The following TMEM38B variants were observed in gnomAD, a reference collection of about 807,000 sequenced individuals.
The protein encoded by TMEM38B is trimeric intracellular cation channel type B.
In TMEM38B, 24 loss-of-function variants were observed where a neutral mutation model predicts 28.7. That is an observed-to-expected ratio of 0.84 (90% confidence interval 0.61 to 1.18). The LOEUF (loss-of-function observed/expected upper bound fraction) is 1.18, where lower values mean the gene tolerates loss of function less well. TMEM38B is among the 50% of genes most tolerant of loss of function. The probability of loss-of-function intolerance (pLI) is 0.00; values close to 1 mark genes in which losing one functional copy is unlikely to be tolerated. For synonymous variants in TMEM38B, 131 were observed against 127.7 expected, an observed-to-expected ratio of 1.03 and a Z score of -0.17; for missense variants, 380 against 350.9, an observed-to-expected ratio of 1.08 and a Z score of -0.66.
At chr9:105,744,331 T>G (rs953788257) in intron 4 of TMEM38B, among the ~76,000 whole-genome samples, 13 of 151,992 alleles carry the variant, frequency 8.6e-5, no homozygotes, top group Non-Finnish European at 1.9e-4. Context: ...CAGTTGAATA[T>G]GAGGAGTATA....
At chr9:105,746,747 G>A (rs534490801) in intron 4 of TMEM38B, among the ~76,000 whole-genome samples, 7 of 152,234 alleles carry the variant, frequency 4.6e-5, no homozygotes, top group South Asian at 4.2e-4. Context: ...TTTGAGATGC[G>A]TCCCATCAGT....
At chr9:105,727,289 G>A (rs1015022318) in intron 4 of TMEM38B, among the ~76,000 whole-genome samples, 4 of 151,538 alleles carry the variant, frequency 2.6e-5, no homozygotes, top group African/African-American at 9.7e-5. Context: ...TTTTTTCCCC[G>A]AGATCCCATG....
chr9:105,750,730 A>T (rs1412076775), intron 5 of TMEM38B, among the ~76,000 whole-genome samples: 1 of 152,220 alleles, frequency 6.6e-6, no homozygotes, highest in South Asian at 2.1e-4. Flanking sequence ...ATCTAAGGTC[A>T]TGAAGATTTA....
intron 4 of TMEM38B, among the ~76,000 whole-genome samples, chr9:105,742,765 A>C (rs920348198): frequency 5.3e-5 from 8 of 152,232 alleles, no homozygotes; most frequent in Non-Finnish European, 1.5e-5. Flanking sequence ...GTGGTGCAGA[A>C]AACAAACAGT....
intron 5 of TMEM38B, among the ~76,000 whole-genome samples, chr9:105,756,926 A>G (rs149022839): frequency 1.6e-4 from 24 of 152,226 alleles, no homozygotes; most frequent in Non-Finnish European, 1.5e-4. Context: ...TTTTATTTCA[A>G]TAGTTTTTGG....
chr9:105,740,838 GTTAA>G (rs1837176770), intron 4 of TMEM38B, among the ~76,000 whole-genome samples: 1 of 152,110 alleles, frequency 6.6e-6, no homozygotes, highest in African/African-American at 2.4e-5. Context: ...GACAATTTCT[GTTAA>G]TGTGTCAGTA....
intron 2 of TMEM38B, among the ~76,000 whole-genome samples, chr9:105,709,205 T>A (rs1283878663): frequency 6.6e-6 from 1 of 152,218 alleles, no homozygotes; most frequent in Non-Finnish European, 1.5e-5. Flanking sequence ...GTTAAATACT[T>A]ATTTTGGGGG....
chr9:105,747,275 A>G (rs1035106867), intron 4 of TMEM38B, among the ~76,000 whole-genome samples: 13 of 152,262 alleles, frequency 8.5e-5, no homozygotes, highest in African/African-American at 1.4e-4. Context: ...GTCTATTCAG[A>G]GATTCAATTT....
rs1454911928 is a variant in TMEM38B at position 105,774,313 on chromosome 9, G to A, written c.*233G>A. The A allele has an allele frequency of 5.9e-6, 2 of 336,618 alleles. No individual in the cohort carries two copies. The highest frequency in any genetic ancestry group is 4.2e-5 in the African/African-American group (2 of 47,174). 20.9% of individuals were successfully genotyped at this position (336,618 alleles called of 1,614,324 possible). On this transcript the variant is annotated 3_prime_UTR_variant, in exon 6 of 6. Coordinates refer to ENST00000374692, the MANE Select transcript of TMEM38B (RefSeq NM_018112.3). ...TTACCGGTATAAGAGATTCTGTTGT[G>A]ATTATTTGAATAGTTTTATATTAAT... is the stretch of plus-strand genomic sequence containing the variant.
At chr9:105,760,507 G>C (rs1838002088) in intron 5 of TMEM38B, 4 of 741,594 alleles carry the variant, frequency 5.4e-6, no homozygotes, top group Non-Finnish European at 9.8e-6. Context: ...TCAGGACTTT[G>C]AAAAGCAAAA....
chr9:105,751,439 T>A (rs1255216292), intron 5 of TMEM38B, among the ~76,000 whole-genome samples: 1 of 152,174 alleles, frequency 6.6e-6, no homozygotes, highest in African/African-American at 2.4e-5. Context: ...TACACACAGC[T>A]GTGTGGAGTT....
intron 4 of TMEM38B, among the ~76,000 whole-genome samples, chr9:105,740,176 C>T (rs1242483830): frequency 2.6e-5 from 4 of 152,056 alleles, no homozygotes; most frequent in African/African-American, 9.7e-5. Flanking sequence ...AGCCACCACT[C>T]CTGGCCTTAA....
intron 2 of TMEM38B, among the ~76,000 whole-genome samples, chr9:105,714,329 T>G (rs1010104341): frequency 6.6e-6 from 1 of 152,174 alleles, no homozygotes; most frequent in African/African-American, 2.4e-5. Context: ...TTGCTCACCC[T>G]CCACTTGTCT....
In TMEM38B at chr9:105,775,044, A is replaced by G. The variant is rs1464625178; in HGVS notation, c.*964A>G. The G allele has an allele frequency of 6.6e-6, 1 of 152,074 alleles. No homozygotes were observed. Among genetic ancestry groups the G allele is most frequent in the Non-Finnish European group, 1.5e-5 (1 of 67,952 alleles). 9.4% of individuals were successfully genotyped at this position (152,074 alleles called of 1,614,324 possible). ...AATTTTTCCACTATGTCTTTTTTCT[A>G]GTGGCTACTGTTTTAGTTTTCTAGT... On this transcript the variant is annotated 3_prime_UTR_variant, in exon 6 of 6. Coordinates refer to ENST00000374692, the MANE Select transcript of TMEM38B (RefSeq NM_018112.3).
At chr9:105,707,243 C>T (rs576309219) in intron 2 of TMEM38B, among the ~76,000 whole-genome samples, 105 of 152,192 alleles carry the variant, frequency 6.9e-4, no homozygotes, top group African/African-American at 2.5e-3. Flanking sequence ...AATTATGGCT[C>T]ATATTTAATT....
chr9:105,697,771 A>T (rs1835336917), intron 1 of TMEM38B, among the ~76,000 whole-genome samples: 1 of 152,130 alleles, frequency 6.6e-6, no homozygotes. Context: ...TCCATGAAAA[A>T]ATCTATTAAT....
chr9:105,759,189 C>T, intron 5 of TMEM38B: 1 of 740,426 alleles, frequency 1.4e-6, no homozygotes, highest in East Asian at 2.4e-5. Context: ...TCTCCTTGAA[C>T]CTCTCCTTAC....
intron 5 of TMEM38B, among the ~76,000 whole-genome samples, chr9:105,764,412 A>G (rs55899829): frequency 0.024 from 3,600 of 152,268 alleles, 68 homozygotes; most frequent in Middle Eastern, 0.085. Context: ...ATGTACAAAA[A>G]TCACAAGCAT....
chr9:105,716,984 A>G (rs916038972), intron 2 of TMEM38B, among the ~76,000 whole-genome samples: 1 of 152,152 alleles, frequency 6.6e-6, no homozygotes, highest in Non-Finnish European at 1.5e-5. Context: ...GTCAGAAGTT[A>G]TATGTGGTGT....
Sources: gnomAD v4.1 joint callset for allele counts (sites outside exome capture counted in the v4.1 genomes callset) on GRCh38, gnomAD v4.1.1 for gene constraint, MANE v1.5 for transcripts, NCBI Gene and HGNC (gene_info 2026-07-23, HGNC 2026-07-21) for gene names.